Variants in ARHGAP24 observed in about 807,000 individuals in gnomAD.
ARHGAP24 encodes the protein Rho GTPase activating protein 24, also known as rho GTPase-activating protein 24.
A neutral mutation model predicts 76.4 loss-of-function variants in ARHGAP24; 50 were observed. The ratio of observed to expected loss-of-function variants is 0.65; its 90% CI spans 0.52 to 0.83. The LOEUF (loss-of-function observed/expected upper bound fraction) is 0.83, where lower values mean the gene tolerates loss of function less well. Ranked by LOEUF, ARHGAP24 falls within the 40% of genes least tolerant of loss-of-function variation. The pLI is 0.00. For synonymous variants in ARHGAP24, 345 were observed against 323.3 expected, an observed-to-expected ratio of 1.07 and a Z score of -0.72; for missense variants, 930 against 914.2, an observed-to-expected ratio of 1.02 and a Z score of -0.22.
intron 3 of ARHGAP24, among the ~76,000 whole-genome samples, chr4:85,804,479 G>A (rs1210894395): frequency 1.3e-5 from 2 of 152,008 alleles, no homozygotes; most frequent in African/African-American, 2.4e-5. Flanking sequence ...TAACTGAAAG[G>A]AGGTCATTTT....
intron 2 of ARHGAP24, among the ~76,000 whole-genome samples, chr4:85,599,626 A>T (rs1719965220): frequency 6.6e-6 from 1 of 152,170 alleles, no homozygotes; most frequent in Admixed American, 6.6e-5. Flanking sequence ...TTTTATTGAA[A>T]GAAAACATTT....
chr4:85,900,290 G>A (rs1298013549), intron 3 of ARHGAP24, among the ~76,000 whole-genome samples: 1 of 152,278 alleles, frequency 6.6e-6, no homozygotes, highest in Middle Eastern at 3.4e-3. Context: ...GTATCTGACA[G>A]TGTTGGCCAA....
chr4:85,973,841 T>TG (rs202120522), intron 6 of ARHGAP24, among the ~76,000 whole-genome samples: 30,866 of 121,636 alleles, frequency 0.25, 4,609 homozygotes, highest in South Asian at 0.47. Flanking sequence ...TTGTTTTTTT[T>TG]TTTTTTTTTT....
At chr4:85,931,575 T>G (rs899660892) in intron 4 of ARHGAP24, among the ~76,000 whole-genome samples, 1 of 151,992 alleles carries the variant, frequency 6.6e-6, no homozygotes, top group East Asian at 1.9e-4. Flanking sequence ...GGAATAGGAG[T>G]CACCCTGACA....
intron 3 of ARHGAP24, among the ~76,000 whole-genome samples, chr4:85,917,643 T>G (rs988479437): frequency 6.6e-6 from 1 of 152,226 alleles, no homozygotes; most frequent in East Asian, 1.9e-4. Context: ...TGGTTTTGAT[T>G]TGCATTTCTC....
At chr4:85,810,752 A>C in intron 3 of ARHGAP24, among the ~76,000 whole-genome samples, 1 of 152,232 alleles carries the variant, frequency 6.6e-6, no homozygotes, top group East Asian at 1.9e-4. Context: ...AATTAAAAAA[A>C]AGTTTCTTCA....
chr4:85,621,536 A>G (rs1053897973), intron 2 of ARHGAP24, among the ~76,000 whole-genome samples: 1 of 152,026 alleles, frequency 6.6e-6, no homozygotes, highest in African/African-American at 2.4e-5. Context: ...GCATTTTTTC[A>G]TATGTTTGTT....
In ARHGAP24 at chr4:85,759,739, G is replaced by T. The variant is rs538567480; in HGVS notation, c.268+37767G>T. Among the ~76,000 whole-genome samples, 20 of 152,230 alleles carry T rather than the reference G, an allele frequency of 1.3e-4. No individual in the cohort carries two copies. The South Asian group carries it at 3.9e-3, about 30-fold the overall frequency. Reference sequence around the variant, plus strand: ...CAGTGGCAGTGGGAATGGAAAGAAGGGTGGTACATGAAACAGACATTAAAG... The same window carrying T: ...CAGTGGCAGTGGGAATGGAAAGAAGTGTGGTACATGAAACAGACATTAAAG... On this transcript the variant is annotated intron_variant, in intron 3 of 9. Coordinates refer to ENST00000395184, the MANE Select transcript of ARHGAP24 (RefSeq NM_001025616.3).
At chr4:85,796,788 G>T (rs1728360226) in intron 3 of ARHGAP24, among the ~76,000 whole-genome samples, 1 of 152,128 alleles carries the variant, frequency 6.6e-6, no homozygotes, top group Admixed American at 6.5e-5. Flanking sequence ...CTCTGGAGAC[G>T]CTATGGCCTT....
intron 3 of ARHGAP24, among the ~76,000 whole-genome samples, chr4:85,849,638 T>C (rs557461838): frequency 6.6e-6 from 1 of 152,232 alleles, no homozygotes; most frequent in Non-Finnish European, 1.5e-5. Flanking sequence ...ACCTAGTTCA[T>C]TGAGAGTTTT....
intron 1 of ARHGAP24, among the ~76,000 whole-genome samples, chr4:85,515,191 C>A (rs1322703464): frequency 2.0e-5 from 3 of 152,120 alleles, no homozygotes; most frequent in Non-Finnish European, 4.4e-5. Flanking sequence ...TTTCTATTAT[C>A]TGAGAATTCC....
chr4:85,487,358 T>A (rs1434538516), intron 1 of ARHGAP24, among the ~76,000 whole-genome samples: 2 of 115,412 alleles, frequency 1.7e-5, no homozygotes, highest in South Asian at 2.4e-4. Flanking sequence ...ATAATATATA[T>A]AAATATATAA....
chr4:85,753,188 G>A (rs943517092), intron 3 of ARHGAP24, among the ~76,000 whole-genome samples: 6 of 152,142 alleles, frequency 3.9e-5, no homozygotes, highest in South Asian at 2.1e-4. Flanking sequence ...AAGCCCATTC[G>A]AGAATGAAAA....
chr4:85,752,284 C>T (rs578235497), intron 3 of ARHGAP24, among the ~76,000 whole-genome samples: 1 of 152,300 alleles, frequency 6.6e-6, no homozygotes, highest in East Asian at 1.9e-4. Flanking sequence ...CAGTTTGTCT[C>T]AGTGTTACCA....
intron 5 of ARHGAP24, among the ~76,000 whole-genome samples, chr4:85,964,196 A>G (rs1010287305): frequency 6.6e-6 from 1 of 152,136 alleles, no homozygotes; most frequent in Non-Finnish European, 1.5e-5. Flanking sequence ...GAGAATCACC[A>G]ATCACTGTTA....
chr4:85,752,470 A>T (rs956000947), intron 3 of ARHGAP24, among the ~76,000 whole-genome samples: 1 of 1,042 alleles, frequency 9.6e-4, no homozygotes, highest in Non-Finnish European at 0.019. Context: ...GTTACATTAA[A>T]AAAAAAAACT....
Position 85,536,138 on chromosome 4 carries a change from A to C in ARHGAP24, c.-20-34384A>C, listed in dbSNP as rs140974443. ...ATATAATCAGAATCCTTACTCCAGT[A>C]CAAAAAAAAAAGGACATGCTAATTA... On this transcript the variant is annotated intron_variant, in intron 1 of 9. Coordinates refer to ENST00000395184, the MANE Select transcript of ARHGAP24 (RefSeq NM_001025616.3). Among the ~76,000 whole-genome samples the C allele has an allele frequency of 9.4e-3, 1,434 of 152,166 alleles. 11 individuals carry two copies. The highest frequency in any genetic ancestry group is 0.018 in the East Asian group (93 of 5,178).
intron 2 of ARHGAP24, among the ~76,000 whole-genome samples, chr4:85,599,747 G>A (rs960824796): frequency 1.3e-5 from 2 of 152,014 alleles, no homozygotes; most frequent in South Asian, 4.1e-4. Context: ...TCTACTATTT[G>A]TATTTACTAT....
At chr4:85,747,731 G>A (rs369951924) in intron 3 of ARHGAP24, among the ~76,000 whole-genome samples, 9 of 120,018 alleles carry the variant, frequency 7.5e-5, no homozygotes, top group Non-Finnish European at 1.5e-4. Flanking sequence ...AAACAAACAA[G>A]CAAAAGCTGA....
Sources: gnomAD v4.1 joint callset for allele counts (sites outside exome capture counted in the v4.1 genomes callset) on GRCh38, gnomAD v4.1.1 for gene constraint, MANE v1.5 for transcripts, NCBI Gene and HGNC (gene_info 2026-07-23, HGNC 2026-07-21) for gene names.